The following PCDHGC3 variants were observed in gnomAD, a reference collection of about 807,000 sequenced individuals.
The protein encoded by PCDHGC3 is protocadherin gamma subfamily C, 3.
PCDHGC3 carries 26 observed loss-of-function variants against 59.2 expected under a neutral mutation model. The observed-to-expected ratio is 0.44, with a 90% CI of 0.32 to 0.61. The LOEUF is 0.61. PCDHGC3 is among the 20% of genes least tolerant of loss of function. PCDHGC3 has a pLI of 0.05. For synonymous variants in PCDHGC3, 487 were observed against 519.7 expected (o/e 0.94, Z 0.86); for missense variants, 1,080 against 1,221.8 (o/e 0.88, Z 1.73).
intron 2 of PCDHGC3, among the ~76,000 whole-genome samples, chr5:141,497,213 G>A (rs1313220474): frequency 6.6e-6 from 1 of 152,126 alleles, no homozygotes; most frequent in Non-Finnish European, 1.5e-5. Flanking sequence ...GTGTAATGGG[G>A]GGGGGAAGAT....
chr5:141,486,401 G>T lies in PCDHGC3; in HGVS notation c.2430+7855G>T. 6.2e-7 allele frequency: 1 copy of T among 1,614,174 alleles called. No individual in the cohort carries two copies. On this transcript the variant is annotated intron_variant, in intron 1 of 3. Transcript: ENST00000308177. The surrounding 1 kb of genome is among the most constrained non-coding windows in gnomAD (Gnocchi z 5.0). ...CAGGAACCAGTTCTCCCTGGTGACT[G>T]CTGGACCCTTGGATCGAGAGGCCAA...
chr5:141,478,480 G>T lies in PCDHGC3; in HGVS notation c.2364G>T (p.Thr788=). The change falls in exon 1 of 4, where the codon ACG becomes ACT. Residue 788 remains threonine (T), a synonymous_variant. Transcript: ENST00000308177. ...AASPLASRQN[T]LRSCDPVFYR... ...GTCCACTGGCCAGCCGCCAGAACAC[G>T]CTGCGGAGCTGTGATCCGGTGTTCT... 2.5e-6 allele frequency: 4 copies of T among 1,613,564 alleles called. No individual in the cohort carries two copies. Among genetic ancestry groups the T allele is most frequent in the Non-Finnish European group, 3.4e-6 (4 of 1,179,786 alleles).
Position 141,487,673 on chromosome 5 carries a change from C to T in PCDHGC3, c.2431-7134C>T. On this transcript the variant is annotated intron_variant, in intron 1 of 3. Transcript: ENST00000308177. The surrounding 1 kb of genome is among the most constrained non-coding windows in gnomAD (Gnocchi z 5.0). Reference sequence around the variant, plus strand: ...GGGTTATTCTGATCCAGGCATATGGCTAGGCCATGTCCTAGAGAGTACTGG... The same window carrying T: ...GGGTTATTCTGATCCAGGCATATGGTTAGGCCATGTCCTAGAGAGTACTGG... 6.2e-7 allele frequency: 1 copy of T among 1,611,456 alleles called. No homozygotes were observed. Among genetic ancestry groups the T allele is most frequent in the East Asian group, 2.2e-5 (1 of 44,852 alleles).
In PCDHGC3 at chr5:141,489,459, C is replaced by A; in HGVS notation, c.2431-5348C>A. ...AATTGGGCTCTGAGGAGAATGGGCG[C>A]TATTTTTCCCTGAGCTTGATGAGTG... On this transcript the variant is annotated intron_variant, in intron 1 of 3. Transcript: ENST00000308177. The surrounding 1 kb of genome is among the most constrained non-coding windows in gnomAD (Gnocchi z 4.5). 1 of 1,614,086 alleles carries A rather than the reference C, an allele frequency of 6.2e-7. No individual in the cohort carries two copies. The highest frequency in any genetic ancestry group is 8.5e-7 in the Non-Finnish European group (1 of 1,180,012).
chr5:141,476,281 T>G lies in PCDHGC3; in HGVS notation c.165T>G (p.Gly55=). The change falls in exon 1 of 4, where the codon GGT becomes GGG. Residue 55 remains glycine (G), a synonymous_variant. Coordinates refer to ENST00000308177, the MANE Select transcript of PCDHGC3 (RefSeq NM_002588.4). This position sits in a 1 kb window ranked among gnomAD's most constrained non-coding sequence, Gnocchi z 7.6. ...TGGGCAACGTGGTCGCGAACCTTGGTTTGGATCTCGGTAGCCTCTCAGCCC... is the reference window on the plus strand; with the variant it reads ...TGGGCAACGTGGTCGCGAACCTTGGGTTGGATCTCGGTAGCCTCTCAGCCC... ...FAVGNVVANL[G]LDLGSLSARR... 1 of 1,614,048 alleles carries G rather than the reference T, an allele frequency of 6.2e-7. No homozygotes were observed. The highest frequency in any genetic ancestry group is 1.1e-5 in the South Asian group (1 of 91,062).
At chr5:141,498,588 A>G (rs1326073516) in intron 2 of PCDHGC3, among the ~76,000 whole-genome samples, 1 of 152,082 alleles carries the variant, frequency 6.6e-6, no homozygotes, top group Non-Finnish European at 1.5e-5. Context: ...GTTCTTCAGT[A>G]AACTTGGTTC....
chr5:141,481,401 CT>C (rs2099537157), intron 1 of PCDHGC3, among the ~76,000 whole-genome samples: 1 of 152,204 alleles, frequency 6.6e-6, no homozygotes, highest in African/African-American at 2.4e-5. Flanking sequence ...TGACAAAATT[CT>C]TGTATAATTA....
chr5:141,476,661 T>G lies in PCDHGC3; in HGVS notation c.545T>G (p.Leu182Arg). 1.2e-6 allele frequency: 2 copies of G among 1,614,076 alleles called. No individual in the cohort carries two copies. The highest frequency in any genetic ancestry group is 1.7e-6 in the Non-Finnish European group (2 of 1,179,938). The change falls in exon 1 of 4, where the codon CTT becomes CGT. Residue 182 changes from leucine to arginine, a missense_variant. Coordinates refer to ENST00000308177, the MANE Select transcript of PCDHGC3 (RefSeq NM_002588.4). The surrounding 1 kb of genome is among the most constrained non-coding windows in gnomAD (Gnocchi z 7.6). ...YELSRNEYFA[L>R]RVQTREDSTK... is the part of the protein sequence containing the mutation. Reference sequence around the variant, plus strand: ...CTGAGCCGAAATGAATACTTTGCGCTTCGCGTGCAGACGCGGGAGGACAGC... The same window carrying G: ...CTGAGCCGAAATGAATACTTTGCGCGTCGCGTGCAGACGCGGGAGGACAGC...
rs766227340 is a variant in PCDHGC3, at chr5:141,476,791, C to T, written c.675C>T (p.Ser225=). Residue 225 remains serine, a synonymous_variant, in exon 1 of 4, where the codon TCC becomes TCT. Transcript: ENST00000308177. The surrounding 1 kb of genome is among the most constrained non-coding windows in gnomAD (Gnocchi z 7.6). ...TGGACGGAGGGACCCCAGCTCTCTCCGCCAGCCTGCCTATTCACATCAAGG... is the reference window on the plus strand; with the variant it reads ...TGGACGGAGGGACCCCAGCTCTCTCTGCCAGCCTGCCTATTCACATCAAGG... The part of the protein sequence containing the change: ...TALDGGTPAL[S]ASLPIHIKVL... 5.6e-6 allele frequency: 9 copies of T among 1,613,394 alleles called. No homozygotes were observed. Among genetic ancestry groups the T allele is most frequent in the Middle Eastern group, 1.6e-4 (1 of 6,084 alleles).
chr5:141,499,047 GA>G (rs2099789201), intron 2 of PCDHGC3, among the ~76,000 whole-genome samples: 1 of 151,580 alleles, frequency 6.6e-6, no homozygotes, highest in South Asian at 2.1e-4. Flanking sequence ...GAAAAAGGGA[GA>G]AAAAATGAAG....
intron 1 of PCDHGC3, among the ~76,000 whole-genome samples, chr5:141,480,195 G>C (rs1350891459): frequency 6.6e-6 from 1 of 151,182 alleles, no homozygotes; most frequent in African/African-American, 2.4e-5. Flanking sequence ...CTTGAGGCCA[G>C]CAGTTCAAGA....
In PCDHGC3 at chr5:141,491,764, C is replaced by T; in HGVS notation, c.2431-3043C>T. The stretch of plus-strand genomic sequence containing the variant: ...CGGCACTGGAGAAGCCGCCCGTCCT[C>T]ATAAGGGATTGAACTTGCATCCACT... On this transcript the variant is annotated intron_variant, in intron 1 of 3. Transcript: ENST00000308177. The surrounding 1 kb of genome is among the most constrained non-coding windows in gnomAD (Gnocchi z 6.9). The T allele has an allele frequency of 6.4e-7, 1 of 1,570,206 alleles. No homozygotes were observed. Among genetic ancestry groups the T allele is most frequent in the Non-Finnish European group, 8.6e-7 (1 of 1,159,296 alleles).
chr5:141,492,206 G>A (rs1180294159), intron 1 of PCDHGC3, among the ~76,000 whole-genome samples: 2 of 152,204 alleles, frequency 1.3e-5, no homozygotes, highest in Non-Finnish European at 2.9e-5. Context: ...TTAGGTGTGC[G>A]CGCGGGGCTC....
In PCDHGC3 at chr5:141,485,848, C is replaced by T; in HGVS notation, c.2430+7302C>T. On this transcript the variant is annotated intron_variant, in intron 1 of 3. Coordinates refer to ENST00000308177, the MANE Select transcript of PCDHGC3 (RefSeq NM_002588.4). This position sits in a 1 kb window ranked among gnomAD's most constrained non-coding sequence, Gnocchi z 5.7. ...GAGGGAACCCGCCGAGATCTGGCAC[C>T]GCAGAGCTCCGGGTATCCGTGCTGG... The T allele has an allele frequency of 1.2e-6, 2 of 1,614,194 alleles. No homozygotes were observed. Among genetic ancestry groups the T allele is most frequent in the South Asian group, 2.2e-5 (2 of 91,080 alleles).
In PCDHGC3 at chr5:141,488,647, T is replaced by TG. The variant is rs535492979; in HGVS notation, c.2431-6155dup. ...CTCACCTTAGCAGCATTCAGCAGGA[T>TG]GGGGGAGGGTGGGGGAATACATGGG... On this transcript the variant is annotated intron_variant, in intron 1 of 3. Transcript: ENST00000308177. Among the ~76,000 whole-genome samples, 173 of 152,088 alleles carry TG rather than the reference T, an allele frequency of 1.1e-3. 1 individual carries two copies. Among genetic ancestry groups the TG allele is most frequent in the African/African-American group, 3.9e-3 (160 of 41,492 alleles).
Position 141,489,748 on chromosome 5 carries a change from T to G in PCDHGC3, c.2431-5059T>G. 6.2e-7 allele frequency: 1 copy of G among 1,614,156 alleles called. No homozygotes were observed. Among genetic ancestry groups the G allele is most frequent in the African/African-American group, 1.3e-5 (1 of 75,054 alleles). On this transcript the variant is annotated intron_variant, in intron 1 of 3. Transcript: ENST00000308177. This position sits in a 1 kb window ranked among gnomAD's most constrained non-coding sequence, Gnocchi z 4.5. ...TGTGGGCACCAATACTGTGAGCTTTTACACTCTAAGCCCCAACAGCCACTT... is the reference window on the plus strand; with the variant it reads ...TGTGGGCACCAATACTGTGAGCTTTGACACTCTAAGCCCCAACAGCCACTT...
chr5:141,490,985 C>T lies in PCDHGC3; in HGVS notation c.2431-3822C>T. On this transcript the variant is annotated intron_variant, in intron 1 of 3. Transcript: ENST00000308177. This position sits in a 1 kb window ranked among gnomAD's most constrained non-coding sequence, Gnocchi z 5.4. ...TCAGCCCCCCAGCGTCTCCCTCGCT[C>T]TGCTCCTCCTGGCTCCTTGGTCACC... The T allele has an allele frequency of 1.9e-6, 3 of 1,614,128 alleles. No individual in the cohort carries two copies. The highest frequency in any genetic ancestry group is 2.5e-6 in the Non-Finnish European group (3 of 1,180,032).
chr5:141,480,224 T>G (rs2099514647), intron 1 of PCDHGC3, among the ~76,000 whole-genome samples: 1 of 146,584 alleles, frequency 6.8e-6, no homozygotes, highest in Non-Finnish European at 1.5e-5. Context: ...AGCGACATAG[T>G]GAGATCCTGT....
At chr5:141,492,009 G>C in intron 1 of PCDHGC3, 1 of 617,702 alleles carries the variant, frequency 1.6e-6, no homozygotes, top group Non-Finnish European at 2.7e-6. Flanking sequence ...GATTTCCGCG[G>C]GTGTCGGGGG....
Sources: allele counts gnomAD v4.1 joint callset (sites outside exome capture counted in the v4.1 genomes callset), GRCh38; gene constraint gnomAD v4.1.1; non-coding constraint Gnocchi (gnomAD v3.1); transcripts MANE v1.5; gene names NCBI Gene and HGNC (gene_info 2026-07-23, HGNC 2026-07-21).